P2RX5: variants seen among roughly 807,000 people sequenced by gnomAD.
P2RX5 encodes P2X purinoceptor 5.
A neutral mutation model predicts 54.1 loss-of-function variants in P2RX5; 46 were observed. The observed-to-expected ratio is 0.85, with a 90% CI of 0.67 to 1.09. The LOEUF (loss-of-function observed/expected upper bound fraction) is 1.09, where lower values mean the gene tolerates loss of function less well. Among genes scored for constraint, P2RX5 ranks in the 50% least tolerant of loss-of-function variants. P2RX5 has a pLI of 0.00. For missense variants in P2RX5, 566 were observed against 549.8 expected, an observed-to-expected ratio of 1.03 and a Z score of -0.29; for synonymous variants, 226 against 226.4, an observed-to-expected ratio of 1.00 and a Z score of 0.02.
chr17:3,702,474 T>C, the P2RX5 span, among the ~76,000 whole-genome samples: 1 of 151,982 alleles, frequency 6.6e-6, no homozygotes, highest in Non-Finnish European at 1.5e-5. Flanking sequence ...GGCAACCTGC[T>C]GGAGTCCTCT....
intron 9 of P2RX5, among the ~76,000 whole-genome samples, chr17:3,683,041 C>G (rs1433564718): frequency 1.3e-5 from 2 of 152,026 alleles, no homozygotes; most frequent in Admixed American, 1.3e-4. Context: ...GAGACAAAAA[C>G]AAAAGCAAAA....
chr17:3,705,651 T>G, the P2RX5 span, among the ~76,000 whole-genome samples: 2 of 152,168 alleles, frequency 1.3e-5, no homozygotes, highest in Admixed American at 6.6e-5. Flanking sequence ...AGGACCTGCA[T>G]GAAGTAGGTA....
chr17:3,723,832 G>T, the P2RX5 span: 10 of 1,547,020 alleles, frequency 6.5e-6, no homozygotes, highest in Non-Finnish European at 8.7e-6. Flanking sequence ...GGCGAGGTGC[G>T]CATGCGCAGG....
At chr17:3,676,632 C>A in intron 11 of P2RX5, 1 of 982,382 alleles carries the variant, frequency 1.0e-6, no homozygotes, top group South Asian at 4.7e-5. Context: ...CCCCTGAGAA[C>A]CAGGGCTTCT....
At chr17:3,717,122 G>A in the P2RX5 span, 3 of 264,534 alleles carry the variant, frequency 1.1e-5, no homozygotes, top group Non-Finnish European at 2.2e-5. Context: ...CTCAACACAG[G>A]ACTGTGAGGC....
At chr17:3,723,742 G>A in the P2RX5 span, 4 of 1,607,164 alleles carry the variant, frequency 2.5e-6, no homozygotes, top group African/African-American at 1.3e-5. Flanking sequence ...ACACCGTGGA[G>A]GCCTGAAACG....
At chr17:3,702,129 C>T in the P2RX5 span, among the ~76,000 whole-genome samples, 7 of 152,036 alleles carry the variant, frequency 4.6e-5, no homozygotes, top group African/African-American at 1.7e-4. Context: ...ATTGTAAATG[C>T]ACCAATCAGC....
chr17:3,680,423 C>T (rs1463570454), intron 10 of P2RX5, among the ~76,000 whole-genome samples: 2 of 134,512 alleles, frequency 1.5e-5, no homozygotes, highest in African/African-American at 3.0e-5. Flanking sequence ...GTCCTCCACC[C>T]TGCATCCTCC....
At chr17:3,700,056 T>C (rs1467887633), upstream of P2RX5, among the ~76,000 whole-genome samples, 3 of 152,180 alleles carry the variant, frequency 2.0e-5, no homozygotes, top group African/African-American at 7.2e-5. Context: ...TGATGTGGAA[T>C]ATACTTCTTC....
chr17:3,723,638 C>T, the P2RX5 span: 22 of 1,502,924 alleles, frequency 1.5e-5, no homozygotes, highest in Non-Finnish European at 2.0e-5. Context: ...TCTCGTTACC[C>T]GCTTCAGGCC....
At position 3,691,060 on chromosome 17, in the gene P2RX5, T is replaced by A. The variant is rs1182961943; in HGVS notation, c.289-33A>T. The A allele has an allele frequency of 2.0e-6, 3 of 1,529,766 alleles. No homozygotes were observed. The African/African-American group carries it at 4.1e-5, about 21-fold the overall frequency. 94.8% of individuals were successfully genotyped at this position (1,529,766 alleles called of 1,614,324 possible). A position where few individuals can be genotyped will look rare whatever the true frequency, so the allele number is the denominator to read the frequency against. On this transcript the variant is annotated intron_variant, in intron 2 of 11. Coordinates refer to ENST00000225328, the MANE Select transcript of P2RX5 (RefSeq NM_002561.4). The stretch of plus-strand genomic sequence containing the variant: ...ACCAGAGAGGCACTGAGGAACCTCC[T>A]CCTGCCCCTTAGGGACCACCCCACC...
chr17:3,701,761 G>GTT, the P2RX5 span, among the ~76,000 whole-genome samples: 1 of 84,406 alleles, frequency 1.2e-5, no homozygotes, highest in Admixed American at 1.4e-4. Context: ...TTTTTTTTTT[G>GTT]TTTTTTTTTT....
chr17:3,679,933 C>A (rs890455632), intron 10 of P2RX5, 149 bp from the exon 11 acceptor site: 98 of 716,332 alleles, frequency 1.4e-4, no homozygotes, highest in South Asian at 9.1e-4. Context: ...TTCCTCCATG[C>A]GGCTCCCTCC....
At chr17:3,692,065 T>C (rs1219896032) in intron 1 of P2RX5, 4 of 475,928 alleles carry the variant, frequency 8.4e-6, no homozygotes, top group Non-Finnish European at 1.5e-5. Context: ...CTCACGCCTA[T>C]AATCCGAGGC....
chr17:3,691,877 G>T, intron 1 of P2RX5, 83 bp from the exon 2 acceptor site: 1 of 1,435,208 alleles, frequency 7.0e-7, no homozygotes, highest in Non-Finnish European at 9.8e-7. Context: ...TGGGGTAGCA[G>T]TCACAGCAAC....
In P2RX5 at chr17:3,691,666, G is replaced by T; in HGVS notation, c.266C>A (p.Ala89Asp). Residue 89 changes from alanine (A) to aspartate (D), a missense_variant, in exon 2 of 12, where the codon GCC becomes GAC. Coordinates refer to ENST00000225328, the MANE Select transcript of P2RX5 (RefSeq NM_002561.4). ...GACCTGGGCTGGAATGACGTAGTCG[G>T]CGACATCCCAGATCCGCTGCCCAAG... The part of the protein sequence containing the change: ...SDLGQRIWDV[A>D]DYVIPAQGEN... The T allele has an allele frequency of 6.2e-7, 1 of 1,614,206 alleles. No homozygotes were observed. The highest frequency in any genetic ancestry group is 8.5e-7 in the Non-Finnish European group (1 of 1,180,050).
chr17:3,718,054 G>A, the P2RX5 span: 3 of 152,258 alleles, frequency 2.0e-5, no homozygotes, highest in Non-Finnish European at 4.4e-5. Flanking sequence ...CCCAAGTAGA[G>A]GTTAAGGGAG....
In P2RX5 at chr17:3,690,099, G is replaced by A; in HGVS notation, c.585C>T (p.His195=). The A allele has an allele frequency of 6.2e-7, 1 of 1,614,202 alleles. No homozygotes were observed. Among genetic ancestry groups the A allele is most frequent in the Non-Finnish European group, 8.5e-7 (1 of 1,180,020 alleles). ...AGAAGTTGAATTTGGGGAAACGGAT[G>A]TGGTTCTTTATGAAAATGGTGAAGT... ...AEDFTIFIKN[H]IRFPKFNFSK... Residue 195 remains histidine, a synonymous_variant, in exon 6 of 12, where the codon CAC becomes CAT. Coordinates refer to ENST00000225328, the MANE Select transcript of P2RX5 (RefSeq NM_002561.4).
At chr17:3,720,601 A>G in the P2RX5 span, 1 of 379,296 alleles carries the variant, frequency 2.6e-6, no homozygotes, top group Non-Finnish European at 4.6e-6. Context: ...TTTTTTTTTG[A>G]GATGGAGTTT....
Sources: gnomAD v4.1 joint callset for allele counts (sites outside exome capture counted in the v4.1 genomes callset) on GRCh38, gnomAD v4.1.1 for gene constraint, MANE v1.5 for transcripts, NCBI Gene and HGNC (gene_info 2026-07-23, HGNC 2026-07-21) for gene names.